Variants in FGD4 observed in about 807,000 individuals in gnomAD.
FGD4 encodes FYVE, RhoGEF and PH domain-containing protein 4.
Under a neutral mutation model 102.0 loss-of-function variants are expected in FGD4, and 42 were observed. The ratio of observed to expected loss-of-function variants is 0.41; its 90% confidence interval spans 0.32 to 0.53. The LOEUF is 0.53. Ranked by LOEUF, FGD4 falls within the 20% of genes least tolerant of loss-of-function variation. The pLI is 0.21. For missense variants in FGD4, 902 were observed against 1,078.2 expected (o/e 0.84, Z 2.29); for synonymous variants, 380 against 375.7 (o/e 1.01, Z -0.13).
intron 1 of FGD4, among the ~76,000 whole-genome samples, chr12:32,521,114 C>T (rs1176147816): frequency 2.6e-5 from 4 of 151,862 alleles, no homozygotes; most frequent in South Asian, 2.1e-4. Flanking sequence ...GCAGGCTGGG[C>T]GCGGTGGTTC....
intron 1 of FGD4, among the ~76,000 whole-genome samples, chr12:32,419,383 C>T (rs891537368): frequency 8.5e-5 from 13 of 152,168 alleles, no homozygotes; most frequent in African/African-American, 2.7e-4. Flanking sequence ...AGGGCCTTGG[C>T]GCTCTTTAGT....
At chr12:32,404,159 G>C (rs973730817) in intron 1 of FGD4, among the ~76,000 whole-genome samples, 1 of 149,824 alleles carries the variant, frequency 6.7e-6, no homozygotes, top group Non-Finnish European at 1.5e-5. Context: ...TGTTGTATCT[G>C]AGTATTTGAA....
At chr12:32,480,446 G>A (rs1943711391) in intron 1 of FGD4, among the ~76,000 whole-genome samples, 1 of 152,034 alleles carries the variant, frequency 6.6e-6, no homozygotes, top group African/African-American at 2.4e-5. Flanking sequence ...ACAGGTGTGA[G>A]CCACAACGCC....
chr12:32,401,769 C>G (rs1265945996), intron 1 of FGD4, among the ~76,000 whole-genome samples: 1 of 145,226 alleles, frequency 6.9e-6, no homozygotes, highest in Non-Finnish European at 1.5e-5. Flanking sequence ...GCGCTTGTCC[C>G]GCAGGCTGGA....
chr12:32,636,389 C>T (rs747099478), intron 15 of FGD4, among the ~76,000 whole-genome samples: 4 of 151,956 alleles, frequency 2.6e-5, no homozygotes, highest in South Asian at 2.1e-4. Context: ...AAAAATTAGC[C>T]GGGCCTGGTG....
At chr12:32,601,064 T>G (rs559241446) in intron 5 of FGD4, among the ~76,000 whole-genome samples, 14 of 152,298 alleles carry the variant, frequency 9.2e-5, no homozygotes, top group African/African-American at 3.4e-4. Flanking sequence ...GATAGGAGCA[T>G]AGCCTAGATT....
intron 1 of FGD4, among the ~76,000 whole-genome samples, chr12:32,519,166 A>G (rs1262543613): frequency 6.8e-6 from 1 of 147,814 alleles, no homozygotes; most frequent in Non-Finnish European, 1.5e-5. Flanking sequence ...CGCCCCCACC[A>G]TGTGCCCATT....
intron 4 of FGD4, among the ~76,000 whole-genome samples, chr12:32,583,250 T>A (rs1946754917): frequency 6.6e-6 from 1 of 152,094 alleles, no homozygotes; most frequent in Non-Finnish European, 1.5e-5. Flanking sequence ...GGTGGGAGAA[T>A]TTCTTGAGCC....
intron 14 of FGD4, among the ~76,000 whole-genome samples, chr12:32,626,650 A>G (rs1195364130): frequency 6.6e-6 from 1 of 152,136 alleles, no homozygotes. Flanking sequence ...AGGGATATCT[A>G]TGAGAAACAA....
At chr12:32,631,565 C>T (rs921524216) in intron 14 of FGD4, among the ~76,000 whole-genome samples, 8 of 141,684 alleles carry the variant, frequency 5.6e-5, no homozygotes, top group Non-Finnish European at 1.0e-4. Flanking sequence ...AGTGCACTGG[C>T]GCGATCTTGG....
At chr12:32,498,689 T>A (rs1204272402) in intron 1 of FGD4, among the ~76,000 whole-genome samples, 1 of 152,140 alleles carries the variant, frequency 6.6e-6, no homozygotes. Context: ...CTGCAACCAC[T>A]GCCTCCTGGG....
At chr12:32,535,866 A>G (rs1334795633) in intron 1 of FGD4, among the ~76,000 whole-genome samples, 3 of 152,208 alleles carry the variant, frequency 2.0e-5, no homozygotes, top group Non-Finnish European at 2.9e-5. Flanking sequence ...GTTGATAAAC[A>G]TAGAGAACTT....
chr12:32,580,107 CCTT>C (rs1403939494), intron 3 of FGD4, among the ~76,000 whole-genome samples: 6 of 152,146 alleles, frequency 3.9e-5, no homozygotes, highest in African/African-American at 1.4e-4. Context: ...CTCATTCTGT[CCTT>C]CTGCTCCAGT....
At position 32,624,989 on chromosome 12, in the gene FGD4, C is replaced by T. The variant is rs1950061548; in HGVS notation, c.1967C>T (p.Thr656Ile). The T allele has an allele frequency of 6.2e-7, 1 of 1,613,176 alleles. No individual in the cohort carries two copies. Residue 656 changes from threonine (T) to isoleucine (I), a missense_variant, in exon 13 of 17, where the codon ACC (threonine) becomes ATC (isoleucine). By Grantham distance (89) the Thr-to-Ile change is moderately conservative. This residue lies in a region of FGD4 where 459 missense variants were observed against 619.0 expected (regional missense o/e 0.74). Transcript: ENST00000534526. ...CTTATACTTTAGGCCCTTCAAGAAACCATCGATGCTTTTCATCAAAGGCAT... is the reference window on the plus strand; with the variant it reads ...CTTATACTTTAGGCCCTTCAAGAAATCATCGATGCTTTTCATCAAAGGCAT... ...KEEWIKALQE[T>I]IDAFHQRHET...
At position 32,633,747 on chromosome 12, in the gene FGD4, G is replaced by C. The variant is rs369081127; in HGVS notation, c.2313+58G>C. Reference sequence around the variant, plus strand: ...ATTATTTTTTTCCCAACGGACTCTCGCTCTGTCACCCAGGCTGAGGTGCAG... The same window carrying C: ...ATTATTTTTTTCCCAACGGACTCTCCCTCTGTCACCCAGGCTGAGGTGCAG... On this transcript the variant is annotated intron_variant, in intron 15 of 16. Coordinates refer to ENST00000534526, the MANE Select transcript of FGD4 (RefSeq NM_001370298.3). 2.8e-5 allele frequency: 41 copies of C among 1,469,256 alleles called. No homozygotes were observed. The East Asian group carries it at 9.3e-4, about 33-fold the overall frequency. 91.0% of individuals were successfully genotyped at this position (1,469,256 alleles called of 1,614,324 possible).
rs138149089 is a variant in FGD4, at chr12:32,629,012, G to T, written c.2172+3233G>T. 4.7e-4 allele frequency among the ~76,000 whole-genome samples: 72 copies of T among 152,290 alleles called. 1 individual carries two copies. Among genetic ancestry groups the T allele is most frequent in the African/African-American group, 1.7e-3 (70 of 41,566 alleles). ...GAATGGTGCTTCCTGAGTATCTAAAGAACCATGCTTCACCCTGAAGATACA... is the reference window on the plus strand; with the variant it reads ...GAATGGTGCTTCCTGAGTATCTAAATAACCATGCTTCACCCTGAAGATACA... On this transcript the variant is annotated intron_variant, in intron 14 of 16. Coordinates refer to ENST00000534526, the MANE Select transcript of FGD4 (RefSeq NM_001370298.3).
At chr12:32,568,267 C>A (rs917563614) in intron 2 of FGD4, among the ~76,000 whole-genome samples, 2 of 152,178 alleles carry the variant, frequency 1.3e-5, no homozygotes, top group Non-Finnish European at 2.9e-5. Context: ...ATTGGATAAA[C>A]TTGCATTTGG....
In FGD4 at chr12:32,591,991, T is replaced by A. The variant is rs1353547988; in HGVS notation, c.1012-6506T>A. On this transcript the variant is annotated intron_variant, in intron 4 of 16. Coordinates refer to ENST00000534526, the MANE Select transcript of FGD4 (RefSeq NM_001370298.3). ...GATAGCTTAGATATCCTCTTGTGTATTTTTATTTTGAGGCAATACTCTGGG... is the reference window on the plus strand; with the variant it reads ...GATAGCTTAGATATCCTCTTGTGTAATTTTATTTTGAGGCAATACTCTGGG... Among the ~76,000 whole-genome samples the A allele has an allele frequency of 2.0e-5, 3 of 152,184 alleles. No homozygotes were observed. The East Asian group carries it at 5.8e-4, about 29-fold the overall frequency.
chr12:32,488,535 A>G (rs888802489), intron 1 of FGD4, among the ~76,000 whole-genome samples: 1 of 147,368 alleles, frequency 6.8e-6, no homozygotes, highest in Non-Finnish European at 1.5e-5. Context: ...TTGACCCATT[A>G]TTTGTGTTCC....
Sources: gnomAD v4.1 joint callset for allele counts (sites outside exome capture counted in the v4.1 genomes callset) on GRCh38, gnomAD v4.1.1 for gene constraint, gnomAD v4.1.1 regional missense constraint, MANE v1.5 for transcripts, NCBI Gene and HGNC (gene_info 2026-07-23, HGNC 2026-07-21) for gene names.